CDH20: variants seen among roughly 807,000 people sequenced by gnomAD.
CDH20 encodes the protein cadherin-20.
In CDH20, 29 loss-of-function variants were observed where a neutral mutation model predicts 74.2. That is an observed-to-expected ratio of 0.39 (90% confidence interval 0.29 to 0.53). CDH20 has a LOEUF of 0.53. CDH20 is among the 20% of genes least tolerant of loss of function. The pLI is 0.69. For synonymous variants in CDH20, 469 were observed against 405.4 expected, an observed-to-expected ratio of 1.16 and a Z score of -1.88; for missense variants, 988 against 1,048.3, an observed-to-expected ratio of 0.94 and a Z score of 0.79.
chr18:61,431,266 AT>A (rs1212137150), intron 1 of CDH20, among the ~76,000 whole-genome samples: 1 of 152,162 alleles, frequency 6.6e-6, no homozygotes, highest in Non-Finnish European at 1.5e-5. Context: ...AAATATCATA[AT>A]TGCCAAGGTC....
intron 1 of CDH20, among the ~76,000 whole-genome samples, chr18:61,449,977 C>T (rs762896157): frequency 1.8e-4 from 27 of 151,130 alleles, no homozygotes; most frequent in Middle Eastern, 3.4e-3. Context: ...AGTGTAGATG[C>T]AACTTGTATT....
At chr18:61,387,439 G>C (rs1911638208) in intron 1 of CDH20, among the ~76,000 whole-genome samples, 1 of 152,220 alleles carries the variant, frequency 6.6e-6, no homozygotes, top group Non-Finnish European at 1.5e-5. Flanking sequence ...CTCAGGAACT[G>C]TGAGAACCTA....
chr18:61,515,529 CA>C (rs1336678416), intron 6 of CDH20, among the ~76,000 whole-genome samples: 1 of 151,956 alleles, frequency 6.6e-6, no homozygotes, highest in Non-Finnish European at 1.5e-5. Context: ...TCCTCCCCAC[CA>C]AATGTCCAAC....
At chr18:61,472,356 A>G (rs1910213344) in intron 1 of CDH20, among the ~76,000 whole-genome samples, 1 of 151,492 alleles carries the variant, frequency 6.6e-6, no homozygotes, top group African/African-American at 2.4e-5. Context: ...TTCTTCCCTC[A>G]AAGTTACTGG....
rs752914935 is a variant in CDH20 at position 61,536,581 on chromosome 18, C to T, written c.1360C>T (p.Arg454Trp). ...GALMTARPLD[R>W]EEFSWHNITV... Reference sequence around the variant, plus strand: ...CCTAATGACAGCAAGACCCCTAGACCGGGAAGAATTTTCTTGGCATAATAT... The same window carrying T: ...CCTAATGACAGCAAGACCCCTAGACTGGGAAGAATTTTCTTGGCATAATAT... The change falls in exon 8 of 12, where the codon CGG becomes TGG. Residue 454 changes from arginine to tryptophan, a missense_variant. Around this residue, in one of 2 missense-constraint regions of CDH20, gnomAD observed 613 missense variants for 755.2 expected, o/e 0.81. Transcript: ENST00000262717. The T allele has an allele frequency of 3.7e-6, 6 of 1,613,680 alleles. No homozygotes were observed. Among genetic ancestry groups the T allele is most frequent in the Non-Finnish European group, 5.1e-6 (6 of 1,179,790 alleles).
intron 1 of CDH20, among the ~76,000 whole-genome samples, chr18:61,338,340 CTAGTGTTT>C (rs1321663083): frequency 6.6e-6 from 1 of 151,828 alleles, no homozygotes; most frequent in African/African-American, 2.4e-5. Context: ...GGTTTGCTAA[CTAGTGTTT>C]CAGAATAATC....
Position 61,427,314 on chromosome 18 carries a change from G to A in CDH20, c.-152-63088G>A, listed in dbSNP as rs147230039. ...TCCTCATGACAACCCAGTGAAGTACGTACTAACATGTTTGTCTTTATCATA... is the reference window on the plus strand; with the variant it reads ...TCCTCATGACAACCCAGTGAAGTACATACTAACATGTTTGTCTTTATCATA... On this transcript the variant is annotated intron_variant, in intron 1 of 11. Transcript: ENST00000262717. 5.1e-3 allele frequency among the ~76,000 whole-genome samples: 783 copies of A among 152,148 alleles called. 16 individuals are homozygous for A. Among genetic ancestry groups the A allele is most frequent in the African/African-American group, 4.1e-3 (171 of 41,516 alleles).
chr18:61,348,553 C>T (rs1412249814), intron 1 of CDH20, among the ~76,000 whole-genome samples: 1 of 152,250 alleles, frequency 6.6e-6, no homozygotes, highest in East Asian at 1.9e-4. Flanking sequence ...ACCAATGGCC[C>T]AGGGCTTTAC....
At chr18:61,470,866 T>C (rs1910148645) in intron 1 of CDH20, among the ~76,000 whole-genome samples, 1 of 152,116 alleles carries the variant, frequency 6.6e-6, no homozygotes, top group Admixed American at 6.5e-5. Flanking sequence ...AGCCTTCTTC[T>C]ATCTTCTCCT....
rs148110460 is a variant in CDH20, at chr18:61,425,274, C to A, written c.-152-65128C>A. ...AACCCTCGTGTTTAGGTTTGTTCTC[C>A]AGCACAGGAAGATGGACCGGGAAGT... On this transcript the variant is annotated intron_variant, in intron 1 of 11. Transcript: ENST00000262717. Among the ~76,000 whole-genome samples the A allele has an allele frequency of 2.7e-3, 409 of 152,276 alleles. 2 individuals carry two copies. Among genetic ancestry groups the A allele is most frequent in the African/African-American group, 9.4e-3 (392 of 41,548 alleles).
intron 10 of CDH20, among the ~76,000 whole-genome samples, chr18:61,547,393 C>T (rs767067284): frequency 2.0e-5 from 3 of 152,206 alleles, no homozygotes; most frequent in Non-Finnish European, 4.4e-5. Flanking sequence ...TACCTCTGTT[C>T]CTGTGCCTGA....
At chr18:61,532,576 A>G (rs537164731) in intron 7 of CDH20, among the ~76,000 whole-genome samples, 4 of 150,910 alleles carry the variant, frequency 2.7e-5, no homozygotes, top group African/African-American at 9.7e-5. Flanking sequence ...ACACATATAT[A>G]TAAAAAACAA....
chr18:61,466,532 C>T (rs529857786), intron 1 of CDH20, among the ~76,000 whole-genome samples: 73 of 152,254 alleles, frequency 4.8e-4, no homozygotes, highest in African/African-American at 1.7e-3. Flanking sequence ...CACAGTTCAC[C>T]TAATTAATAA....
chr18:61,354,294 C>T (rs1403788374), intron 1 of CDH20, among the ~76,000 whole-genome samples: 5 of 152,050 alleles, frequency 3.3e-5, no homozygotes, highest in Non-Finnish European at 5.9e-5. Context: ...GCAAAAGTCA[C>T]GCAAGCCTCT....
chr18:61,346,867 C>G (rs1019543902), intron 1 of CDH20, among the ~76,000 whole-genome samples: 19 of 151,988 alleles, frequency 1.3e-4, no homozygotes, highest in Admixed American at 1.1e-3. Flanking sequence ...GTCCAGGCGC[C>G]CAAGCTTGGA....
chr18:61,398,708 T>A (rs1250295173), intron 1 of CDH20, among the ~76,000 whole-genome samples: 1 of 152,210 alleles, frequency 6.6e-6, no homozygotes, highest in Non-Finnish European at 1.5e-5. Context: ...TATATACTTT[T>A]CTGTTAGGTT....
At chr18:61,340,902 T>C (rs1354069439) in intron 1 of CDH20, among the ~76,000 whole-genome samples, 1 of 152,246 alleles carries the variant, frequency 6.6e-6, no homozygotes, top group African/African-American at 2.4e-5. Flanking sequence ...ATATGTTTCT[T>C]TTTAATTTGA....
intron 1 of CDH20, among the ~76,000 whole-genome samples, chr18:61,406,264 A>G (rs1912326440): frequency 6.6e-6 from 1 of 152,246 alleles, no homozygotes; most frequent in Non-Finnish European, 1.5e-5. Flanking sequence ...AGAGACTGCT[A>G]AAAACTTGTT....
chr18:61,385,786 C>T (rs2144190589), intron 1 of CDH20, among the ~76,000 whole-genome samples: 1 of 151,830 alleles, frequency 6.6e-6, no homozygotes, highest in Admixed American at 6.6e-5. Flanking sequence ...AAAAATTAGC[C>T]AGGTGTGGTG....
Sources: gnomAD v4.1 joint callset for allele counts (sites outside exome capture counted in the v4.1 genomes callset) on GRCh38, gnomAD v4.1.1 for gene constraint, gnomAD v4.1.1 regional missense constraint, MANE v1.5 for transcripts, NCBI Gene and HGNC (gene_info 2026-07-23, HGNC 2026-07-21) for gene names.